The following WWOX variants were observed in gnomAD, a reference collection of about 807,000 sequenced individuals.
The protein encoded by WWOX is WW domain-containing oxidoreductase.
WWOX carries 69 observed loss-of-function variants against 46.2 expected under a neutral mutation model. The observed-to-expected ratio is 1.49, with a 90% CI of 1.23 to 1.82. The LOEUF (loss-of-function observed/expected upper bound fraction) is 1.82, where lower values mean the gene tolerates loss of function less well. Ranked by LOEUF, WWOX falls within the 40% of genes most tolerant of loss-of-function variation. The pLI is 0.00. For synonymous variants in WWOX, 359 were observed against 202.6 expected, an observed-to-expected ratio of 1.77 and a Z score of -6.56; for missense variants, 919 against 542.6, an observed-to-expected ratio of 1.69 and a Z score of -6.89.
At chr16:78,241,183 A>G (rs1749515388) in intron 5 of WWOX, 1 of 152,244 alleles carries the variant, frequency 6.6e-6, no homozygotes, top group Non-Finnish European at 1.5e-5. Context: ...ATATTGACCC[A>G]TGATACTTAC....
At chr16:78,692,435 C>G (rs1333317652) in intron 8 of WWOX, among the ~76,000 whole-genome samples, 2 of 152,132 alleles carry the variant, frequency 1.3e-5, no homozygotes, top group African/African-American at 4.8e-5. Flanking sequence ...CTCCCATTTA[C>G]AAGGAATTAC....
intron 6 of WWOX, among the ~76,000 whole-genome samples, chr16:78,424,303 A>G (rs1372775753): frequency 6.6e-6 from 1 of 151,764 alleles, no homozygotes; most frequent in African/African-American, 2.4e-5. Flanking sequence ...GTGTTTTGAC[A>G]GAGATGGGGT....
chr16:78,365,895 T>C (rs772188996), intron 5 of WWOX, among the ~76,000 whole-genome samples: 5 of 152,190 alleles, frequency 3.3e-5, no homozygotes, highest in Admixed American at 6.5e-5. Context: ...TATTTTGTTA[T>C]TGTTGTTTTG....
Position 78,757,345 on chromosome 16 carries a change from C to G in WWOX, c.1056+324593C>G, listed in dbSNP as rs965461086. Among the ~76,000 whole-genome samples the G allele has an allele frequency of 4.6e-5, 7 of 152,166 alleles. No homozygotes were observed. In the South Asian group the frequency reaches 1.5e-3, roughly 32 times the overall value. On this transcript the variant is annotated intron_variant, in intron 8 of 8. Coordinates refer to ENST00000566780, the MANE Select transcript of WWOX (RefSeq NM_016373.4). Reference sequence around the variant, plus strand: ...CCACCTACCCCAGCACCCCAGCACCCCAGCACCCCAGCATGACCACCATTT... The same window carrying G: ...CCACCTACCCCAGCACCCCAGCACCGCAGCACCCCAGCATGACCACCATTT...
At chr16:78,303,533 T>C (rs1280562344) in intron 5 of WWOX, among the ~76,000 whole-genome samples, 1 of 152,116 alleles carries the variant, frequency 6.6e-6, no homozygotes, top group Non-Finnish European at 1.5e-5. Flanking sequence ...TTTTTTGTTT[T>C]TGTTTGTTGG....
chr16:78,640,858 G>A (rs1413108443), intron 8 of WWOX, among the ~76,000 whole-genome samples: 1 of 150,718 alleles, frequency 6.6e-6, no homozygotes, highest in Non-Finnish European at 1.5e-5. Flanking sequence ...GGAATTGCTT[G>A]AACCTGGGAA....
At chr16:78,679,699 C>T (rs936770733) in intron 8 of WWOX, among the ~76,000 whole-genome samples, 6 of 152,222 alleles carry the variant, frequency 3.9e-5, no homozygotes, top group Non-Finnish European at 5.9e-5. Flanking sequence ...TCATTTGTGA[C>T]AGAAGCTCCT....
At chr16:78,527,830 G>T (rs1187010084) in intron 8 of WWOX, among the ~76,000 whole-genome samples, 2 of 151,584 alleles carry the variant, frequency 1.3e-5, no homozygotes, top group Non-Finnish European at 2.9e-5. Context: ...GGGGGAAAAG[G>T]TGCTACTGGC....
chr16:78,596,429 C>G (rs1265908792), intron 8 of WWOX, among the ~76,000 whole-genome samples: 1 of 150,170 alleles, frequency 6.7e-6, no homozygotes, highest in East Asian at 1.9e-4. Context: ...ATGACACAGG[C>G]TGCTGTGGCA....
At chr16:78,618,134 G>C (rs1430506274) in intron 8 of WWOX, among the ~76,000 whole-genome samples, 6 of 152,176 alleles carry the variant, frequency 3.9e-5, no homozygotes, top group Non-Finnish European at 5.9e-5. Context: ...CTTGGAGGCA[G>C]GAAATCACTC....
intron 8 of WWOX, among the ~76,000 whole-genome samples, chr16:79,037,098 A>C (rs562178732): frequency 6.6e-6 from 1 of 152,296 alleles, no homozygotes; most frequent in South Asian, 2.1e-4. Flanking sequence ...CCTGGGCTTT[A>C]CAGCAATGGT....
rs746463230 is a variant in WWOX at position 79,145,965 on chromosome 16, A to G, written c.1057-65643A>G. Reference sequence around the variant, plus strand: ...ACCCATAAAATGATATAATTTTACCATAAAATATCAGCTAAAAAGGGGGCA... The same window carrying G: ...ACCCATAAAATGATATAATTTTACCGTAAAATATCAGCTAAAAAGGGGGCA... On this transcript the variant is annotated intron_variant, in intron 8 of 8. Transcript: ENST00000566780. 1.1e-4 allele frequency among the ~76,000 whole-genome samples: 17 copies of G among 152,222 alleles called. 1 individual carries two copies. Among genetic ancestry groups the G allele is most frequent in the Non-Finnish European group, 2.1e-4 (14 of 68,022 alleles).
chr16:78,616,938 A>T (rs1011003226), intron 8 of WWOX, among the ~76,000 whole-genome samples: 1 of 152,198 alleles, frequency 6.6e-6, no homozygotes, highest in Non-Finnish European at 1.5e-5. Context: ...ATAATGTTTT[A>T]TAATGTTCCT....
chr16:78,100,414 G>A (rs1001040783), intron 1 of WWOX, among the ~76,000 whole-genome samples: 2 of 152,046 alleles, frequency 1.3e-5, no homozygotes, highest in African/African-American at 2.4e-5. Context: ...TACTATGCCC[G>A]ACTAATTTTT....
At chr16:78,778,509 A>G (rs1370766322) in intron 8 of WWOX, among the ~76,000 whole-genome samples, 2 of 152,192 alleles carry the variant, frequency 1.3e-5, no homozygotes, top group African/African-American at 2.4e-5. Flanking sequence ...GACTGTGAGG[A>G]CGGGGCCAAG....
At chr16:79,062,907 A>G (rs1460342175) in intron 8 of WWOX, among the ~76,000 whole-genome samples, 2 of 152,292 alleles carry the variant, frequency 1.3e-5, no homozygotes, top group East Asian at 3.9e-4. Flanking sequence ...AAAAAAATAA[A>G]TTTCTGGCTG....
intron 8 of WWOX, among the ~76,000 whole-genome samples, chr16:78,512,556 A>G (rs756049322): frequency 6.6e-5 from 10 of 152,320 alleles, no homozygotes; most frequent in Middle Eastern, 3.4e-3. Context: ...TAAAAAAGCA[A>G]TACTCAAGTG....
chr16:78,545,117 C>G (rs1478248931), intron 8 of WWOX, among the ~76,000 whole-genome samples: 1 of 152,180 alleles, frequency 6.6e-6, no homozygotes, highest in African/African-American at 2.4e-5. Flanking sequence ...TAAGTACATA[C>G]CCACATTCTG....
chr16:78,951,797 T>C (rs1369920734), intron 8 of WWOX, among the ~76,000 whole-genome samples: 1 of 152,076 alleles, frequency 6.6e-6, no homozygotes, highest in East Asian at 1.9e-4. Flanking sequence ...GCCAGGATGG[T>C]GGCTTGCAGG....
Sources: allele counts gnomAD v4.1 joint callset (sites outside exome capture counted in the v4.1 genomes callset), GRCh38; gene constraint gnomAD v4.1.1; transcripts MANE v1.5; gene names NCBI Gene and HGNC (gene_info 2026-07-23, HGNC 2026-07-21).